The following ZNF678 variants were observed in gnomAD, a reference collection of about 807,000 sequenced individuals.
ZNF678 encodes hypothetical protein MGC42493.
In ZNF678, 5 loss-of-function variants were observed where a neutral mutation model predicts 3.0. That is an observed-to-expected ratio of 1.69 (90% CI 0.88 to 3.56). The LOEUF is 3.56. Among genes scored for constraint, ZNF678 ranks in the 30% most tolerant of loss-of-function variants. The probability of loss-of-function intolerance (pLI) is 0.00; values close to 1 mark genes in which losing one functional copy is unlikely to be tolerated. For missense variants in ZNF678, 593 were observed against 605.0 expected, an observed-to-expected ratio of 0.98 and a Z score of 0.21; for synonymous variants, 218 against 199.6, an observed-to-expected ratio of 1.09 and a Z score of -0.78.
Position 227,655,850 on chromosome 1 carries a change from C to T in ZNF678, c.*22C>T. The T allele has an allele frequency of 6.5e-7, 1 of 1,536,876 alleles. No individual in the cohort carries two copies. Among genetic ancestry groups the T allele is most frequent in the Non-Finnish European group, 8.7e-7 (1 of 1,147,472 alleles). On this transcript the variant is annotated 3_prime_UTR_variant, in exon 4 of 4. Coordinates refer to ENST00000343776, the MANE Select transcript of ZNF678 (RefSeq NM_001367909.1). The stretch of plus-strand genomic sequence containing the variant: ...TTAAAAACTGCTTCATTATACATGG[C>T]TTCACTAATTTCATACTGAATAAAA...
chr1:227,642,249 G>GTCC (rs995981446), intron 1 of ZNF678, among the ~76,000 whole-genome samples: 5 of 152,214 alleles, frequency 3.3e-5, no homozygotes, highest in Admixed American at 3.3e-4. Context: ...ACTTTGTAAA[G>GTCC]TCCCTCTTTT....
chr1:227,632,687 T>C (rs1658577610), intron 1 of ZNF678, among the ~76,000 whole-genome samples: 1 of 152,182 alleles, frequency 6.6e-6, no homozygotes, highest in African/African-American at 2.4e-5. Context: ...TTTAACCAGC[T>C]GACAGGTGCC....
intron 1 of ZNF678, among the ~76,000 whole-genome samples, chr1:227,629,933 A>G (rs1311339202): frequency 1.3e-5 from 2 of 151,990 alleles, no homozygotes; most frequent in Non-Finnish European, 2.9e-5. Flanking sequence ...GGCCATGACT[A>G]AAGTGATGGC....
intron 1 of ZNF678, among the ~76,000 whole-genome samples, chr1:227,604,904 G>A (rs1657825631): frequency 6.6e-6 from 1 of 151,992 alleles, no homozygotes; most frequent in Admixed American, 6.6e-5. Flanking sequence ...CGCCCAGGCT[G>A]AAGTGCAGTG....
intron 1 of ZNF678, among the ~76,000 whole-genome samples, chr1:227,606,865 A>G (rs933804343): frequency 7.2e-5 from 11 of 152,224 alleles, no homozygotes; most frequent in African/African-American, 2.7e-4. Flanking sequence ...GATTCAGTAC[A>G]GCACATGTTT....
intron 1 of ZNF678, among the ~76,000 whole-genome samples, chr1:227,567,009 A>C (rs987679339): frequency 2.6e-5 from 4 of 152,202 alleles, no homozygotes; most frequent in Admixed American, 2.0e-4. Context: ...AATTATATAG[A>C]TTCATGAAAC....
chr1:227,648,517 T>G (rs370974918), intron 2 of ZNF678, among the ~76,000 whole-genome samples: 32 of 152,214 alleles, frequency 2.1e-4, no homozygotes, highest in Non-Finnish European at 2.9e-4. Context: ...TTCATAAAAT[T>G]ACACATTCGA....
intron 5 of ZNF678, among the ~76,000 whole-genome samples, chr1:227,668,451 A>G (rs1052334354): frequency 6.6e-6 from 1 of 152,230 alleles, no homozygotes; most frequent in African/African-American, 2.4e-5. Flanking sequence ...AACAGTCCAC[A>G]CACATATATG....
chr1:227,665,182 C>T (rs1190563833), downstream of ZNF678, among the ~76,000 whole-genome samples: 5 of 152,164 alleles, frequency 3.3e-5, no homozygotes, highest in Admixed American at 6.5e-5. Context: ...TGGGAGGTAG[C>T]GTGGACTACA....
chr1:227,577,153 T>G lies in ZNF678; in HGVS notation c.-164+13429T>G, dbSNP rs180840433. Among the ~76,000 whole-genome samples, 707 of 152,326 alleles carry G rather than the reference T, an allele frequency of 4.6e-3. 3 individuals carry two copies. The highest frequency in any genetic ancestry group is 6.8e-3 in the Middle Eastern group (2 of 294). Reference sequence around the variant, plus strand: ...TTGCATTTCCTAAGGAATGTCTTTCTTCTGATTATGTGATTGATTTTACAG... The same window carrying G: ...TTGCATTTCCTAAGGAATGTCTTTCGTCTGATTATGTGATTGATTTTACAG... On this transcript the variant is annotated intron_variant, in intron 1 of 3. Transcript: ENST00000343776.
intron 1 of ZNF678, among the ~76,000 whole-genome samples, chr1:227,617,620 T>C (rs1487894259): frequency 6.6e-6 from 1 of 152,194 alleles, no homozygotes; most frequent in Non-Finnish European, 1.5e-5. Flanking sequence ...CATTATGCAC[T>C]TTGCTTCAAA....
rs560952116 is a variant in ZNF678, at chr1:227,655,683, G to T, written c.1433G>T (p.Arg478Leu). The T allele has an allele frequency of 6.2e-7, 1 of 1,612,116 alleles. No individual in the cohort carries two copies. Among genetic ancestry groups the T allele is most frequent in the Non-Finnish European group, 8.5e-7 (1 of 1,178,992 alleles). The change falls in exon 4 of 4, where the codon CGT becomes CTT. Residue 478 changes from arginine to leucine, a missense_variant. Coordinates refer to ENST00000343776, the MANE Select transcript of ZNF678 (RefSeq NM_001367909.1). ...TTTAACCAGTTCTCAAGCCTTACTC[G>T]TCATAAAAGAATTCATACTGGAGAG... ...KAFNQFSSLT[R>L]HKRIHTGEKR...
At chr1:227,597,594 A>T (rs1657627150) in intron 1 of ZNF678, among the ~76,000 whole-genome samples, 1 of 152,218 alleles carries the variant, frequency 6.6e-6, no homozygotes, top group Admixed American at 6.5e-5. Context: ...AATGCTAAAA[A>T]ATATTCATTA....
chr1:227,566,296 T>C (rs900795646), intron 1 of ZNF678, among the ~76,000 whole-genome samples: 1 of 152,108 alleles, frequency 6.6e-6, no homozygotes, highest in African/African-American at 2.4e-5. Context: ...CCTTAGACAT[T>C]CTCCCCCAAC....
chr1:227,662,983 G>A (rs912358984), downstream of ZNF678, among the ~76,000 whole-genome samples: 1 of 152,158 alleles, frequency 6.6e-6, no homozygotes, highest in Non-Finnish European at 1.5e-5. Flanking sequence ...TTTTATAGAG[G>A]TAATTAAGGT....
chr1:227,654,026 A>G (rs916081147), intron 3 of ZNF678, among the ~76,000 whole-genome samples: 1 of 152,050 alleles, frequency 6.6e-6, no homozygotes, highest in Non-Finnish European at 1.5e-5. Flanking sequence ...TCTTAAAGGC[A>G]CCATGCTGTA....
At chr1:227,589,516 T>C (rs1657352567) in intron 1 of ZNF678, among the ~76,000 whole-genome samples, 1 of 151,680 alleles carries the variant, frequency 6.6e-6, no homozygotes, top group African/African-American at 2.4e-5. Context: ...AAGAGGTTTA[T>C]TCAGCTGGGA....
At chr1:227,585,307 C>A (rs1657229876) in intron 1 of ZNF678, among the ~76,000 whole-genome samples, 1 of 152,094 alleles carries the variant, frequency 6.6e-6, no homozygotes, top group South Asian at 2.1e-4. Context: ...GCTGAAAACA[C>A]AGGTATCTTT....
chr1:227,574,954 T>C (rs1034168263), intron 1 of ZNF678, among the ~76,000 whole-genome samples: 6 of 152,090 alleles, frequency 3.9e-5, no homozygotes, highest in Non-Finnish European at 7.4e-5. Flanking sequence ...TTTGTTGTTG[T>C]TGTTGTTGTG....
Sources: gnomAD v4.1 joint callset for allele counts (sites outside exome capture counted in the v4.1 genomes callset) on GRCh38, gnomAD v4.1.1 for gene constraint, MANE v1.5 for transcripts, NCBI Gene and HGNC (gene_info 2026-07-23, HGNC 2026-07-21) for gene names.